The following CACNA2D3 variants were observed in gnomAD, a reference collection of about 807,000 sequenced individuals.
CACNA2D3 encodes calcium voltage-gated channel auxiliary subunit alpha2delta 3.
Under a neutral mutation model 160.6 loss-of-function variants are expected in CACNA2D3, and 60 were observed. The observed-to-expected ratio is 0.37, with a 90% confidence interval of 0.30 to 0.46. The LOEUF is 0.46. CACNA2D3 is among the 20% of genes least tolerant of loss of function. CACNA2D3 has a pLI of 1.00. For synonymous variants in CACNA2D3, 558 were observed against 492.9 expected (o/e 1.13, Z -1.75); for missense variants, 1,205 against 1,365.0 (o/e 0.88, Z 1.85).
At chr3:54,138,924 T>C (rs1576951835) in intron 2 of CACNA2D3, among the ~76,000 whole-genome samples, 1 of 152,232 alleles carries the variant, frequency 6.6e-6, no homozygotes, top group East Asian at 1.9e-4. Flanking sequence ...TTTTCTGTAT[T>C]TGGATCCCTT....
intron 4 of CACNA2D3, among the ~76,000 whole-genome samples, chr3:54,491,179 A>G (rs1701102670): frequency 6.6e-6 from 1 of 152,052 alleles, no homozygotes; most frequent in South Asian, 2.1e-4. Flanking sequence ...GGATTTTTGG[A>G]GTAGGACTTG....
At chr3:54,879,450 C>G (rs1291448560) in intron 20 of CACNA2D3, 39 bp downstream of exon 20, 23 of 1,430,616 alleles carry the variant, frequency 1.6e-5, no homozygotes, top group Non-Finnish European at 2.2e-5. Context: ...CCATCAGACC[C>G]ATCAGTTGTG....
At chr3:54,529,501 C>T (rs1265473593) in intron 5 of CACNA2D3, among the ~76,000 whole-genome samples, 19 of 152,278 alleles carry the variant, frequency 1.2e-4, no homozygotes, top group Middle Eastern at 3.4e-3. Context: ...CTGACATCAG[C>T]GGGGTGGACC....
At chr3:54,372,980 G>A (rs1034922128) in intron 3 of CACNA2D3, among the ~76,000 whole-genome samples, 10 of 152,182 alleles carry the variant, frequency 6.6e-5, no homozygotes, top group Non-Finnish European at 1.2e-4. Context: ...GCCCTTGTTT[G>A]ACCCAGCCCC....
intron 14 of CACNA2D3, among the ~76,000 whole-genome samples, chr3:54,823,863 A>C (rs1703693020): frequency 6.6e-6 from 1 of 152,154 alleles, no homozygotes; most frequent in Admixed American, 6.5e-5. Context: ...TTCTTAATAC[A>C]TTTTTGCATA....
chr3:54,771,512 G>A (rs1260667899), intron 13 of CACNA2D3, among the ~76,000 whole-genome samples: 1 of 152,092 alleles, frequency 6.6e-6, no homozygotes, highest in Non-Finnish European at 1.5e-5. Flanking sequence ...GCCCGTATAG[G>A]ACTGAGTTCC....
At position 54,400,721 on chromosome 3, in the gene CACNA2D3, C is replaced by G. The variant is rs116799609; in HGVS notation, c.381+13947C>G. Among the ~76,000 whole-genome samples the G allele has an allele frequency of 5.8e-3, 883 of 152,222 alleles. 5 individuals are homozygous for G. Among genetic ancestry groups the G allele is most frequent in the African/African-American group, 0.02 (819 of 41,534 alleles). ...GTCACCATGCCCTACCAAATTGGCA[C>G]AGTAAGACCCATCTGCAAGTGAAAG... On this transcript the variant is annotated intron_variant, in intron 4 of 37. Transcript: ENST00000474759.
rs77672111 is a variant in CACNA2D3 at position 54,344,473 on chromosome 3, T to C, written c.321+23915T>C. Among the ~76,000 whole-genome samples the C allele has an allele frequency of 4.8e-3, 734 of 152,300 alleles. 20 individuals carry two copies. The East Asian group carries it at 0.09, about 19-fold the overall frequency. ...CTGGAAACCATAAAGTAAAGCAAAT[T>C]GTGTTCTGGCAACGAGAAATCATTT... is the stretch of plus-strand genomic sequence containing the variant. On this transcript the variant is annotated intron_variant, in intron 3 of 37. Coordinates refer to ENST00000474759, the MANE Select transcript of CACNA2D3 (RefSeq NM_018398.3).
At chr3:54,183,207 G>GA (rs879431761) in intron 2 of CACNA2D3, among the ~76,000 whole-genome samples, 1,673 of 110,070 alleles carry the variant, frequency 0.015, 9 homozygotes, top group African/African-American at 0.028. Flanking sequence ...GAGGCATAAA[G>GA]AAAATTTTTT....
At chr3:54,192,139 G>A (rs879640785) in intron 2 of CACNA2D3, among the ~76,000 whole-genome samples, 32 of 150,390 alleles carry the variant, frequency 2.1e-4, no homozygotes, top group Non-Finnish European at 3.7e-4. Context: ...TTCCCTGTCA[G>A]TCAGCAGTGC....
chr3:55,004,846 C>T lies in CACNA2D3; in HGVS notation c.2766+8C>T. The T allele has an allele frequency of 3.1e-6, 5 of 1,603,440 alleles. No individual in the cohort carries two copies. The highest frequency in any genetic ancestry group is 3.4e-6 in the Non-Finnish European group (4 of 1,170,548). ...GCCCATGGCCTCCTGGATGTAAGTA[C>T]TATGCTGTCACTCAGAAAACAGCCA... On this transcript the variant is annotated splice_region_variant and intron_variant, in intron 32 of 37. Coordinates refer to ENST00000474759, the MANE Select transcript of CACNA2D3 (RefSeq NM_018398.3).
intron 17 of CACNA2D3, among the ~76,000 whole-genome samples, chr3:54,860,744 C>G (rs1183901312): frequency 6.6e-6 from 1 of 152,116 alleles, no homozygotes; most frequent in Non-Finnish European, 1.5e-5. Context: ...TCACTAGTGC[C>G]TGTTTCTCTA....
At chr3:54,978,215 C>G (rs1702433178) in intron 29 of CACNA2D3, among the ~76,000 whole-genome samples, 1 of 152,142 alleles carries the variant, frequency 6.6e-6, no homozygotes, top group Non-Finnish European at 1.5e-5. Context: ...GGGAATGCAG[C>G]CCAATAGGTC....
intron 13 of CACNA2D3, among the ~76,000 whole-genome samples, chr3:54,814,053 G>A (rs941782405): frequency 2.6e-5 from 4 of 151,782 alleles, no homozygotes; most frequent in Admixed American, 2.6e-4. Context: ...ATTTTTTGTA[G>A]AGATGGAGTT....
chr3:55,046,513 G>C (rs199702583), intron 35 of CACNA2D3, among the ~76,000 whole-genome samples: 4 of 62,584 alleles, frequency 6.4e-5, no homozygotes, highest in Non-Finnish European at 1.2e-4. Context: ...GGACATTTGG[G>C]TTGGTTCCAA....
intron 2 of CACNA2D3, among the ~76,000 whole-genome samples, chr3:54,247,814 C>T (rs1316273914): frequency 6.6e-6 from 1 of 152,074 alleles, no homozygotes; most frequent in Non-Finnish European, 1.5e-5. Context: ...AATAGTGACC[C>T]ACAATGCCCA....
intron 4 of CACNA2D3, among the ~76,000 whole-genome samples, chr3:54,471,948 A>G (rs1700740410): frequency 6.6e-6 from 1 of 152,206 alleles, no homozygotes; most frequent in Admixed American, 6.5e-5. Context: ...ATGAATTCAC[A>G]GCTGAATTCT....
intron 2 of CACNA2D3, among the ~76,000 whole-genome samples, chr3:54,188,569 A>G (rs1187465641): frequency 2.0e-5 from 3 of 152,164 alleles, no homozygotes; most frequent in Non-Finnish European, 4.4e-5. Flanking sequence ...GTGATAGACC[A>G]CTTGGAGTTG....
intron 35 of CACNA2D3, among the ~76,000 whole-genome samples, chr3:55,021,800 T>C (rs1703462212): frequency 6.6e-6 from 1 of 151,518 alleles, no homozygotes; most frequent in Admixed American, 6.6e-5. Flanking sequence ...AATGCTTAAA[T>C]CGTGTTTTAA....
Sources: gnomAD v4.1 joint callset for allele counts (sites outside exome capture counted in the v4.1 genomes callset) on GRCh38, gnomAD v4.1.1 for gene constraint, MANE v1.5 for transcripts, NCBI Gene and HGNC (gene_info 2026-07-23, HGNC 2026-07-21) for gene names.